The following MKLN1 variants were observed in gnomAD, a reference collection of about 807,000 sequenced individuals.
MKLN1 encodes the protein muskelin 1.
A neutral mutation model predicts 99.0 loss-of-function variants in MKLN1; 18 were observed. That is an observed-to-expected ratio of 0.18 (90% confidence interval 0.13 to 0.27). The LOEUF (loss-of-function observed/expected upper bound fraction) is 0.27, where lower values mean the gene tolerates loss of function less well. MKLN1 is among the 10% of genes least tolerant of loss of function. MKLN1 has a pLI of 1.00. For missense variants in MKLN1, 621 were observed against 875.9 expected (o/e 0.71, Z 3.67); for synonymous variants, 288 against 293.2 (o/e 0.98, Z 0.18).
At chr7:131,339,209 A>G (rs1799335844) in intron 1 of MKLN1, among the ~76,000 whole-genome samples, 1 of 152,204 alleles carries the variant, frequency 6.6e-6, no homozygotes, top group African/African-American at 2.4e-5. Context: ...TGGCGCCCCT[A>G]GGCCCCACAT....
At chr7:131,468,533 A>G (rs973232499) in intron 15 of MKLN1, among the ~76,000 whole-genome samples, 2 of 152,228 alleles carry the variant, frequency 1.3e-5, no homozygotes, top group Non-Finnish European at 2.9e-5. Context: ...GGAAAGAAGT[A>G]TATTGTGTGC....
intron 3 of MKLN1, among the ~76,000 whole-genome samples, chr7:131,217,761 A>C (rs1283401408): frequency 6.6e-6 from 1 of 152,228 alleles, no homozygotes; most frequent in African/African-American, 2.4e-5. Flanking sequence ...GTTTGAAGAA[A>C]TACTTGTACC....
intron 1 of MKLN1, among the ~76,000 whole-genome samples, chr7:131,334,729 A>T (rs1799200717): frequency 6.6e-6 from 1 of 152,146 alleles, no homozygotes; most frequent in African/African-American, 2.4e-5. Context: ...CATTTCAGCC[A>T]CTTGTGGCAA....
chr7:131,390,874 G>C (rs12540105), intron 4 of MKLN1, among the ~76,000 whole-genome samples: 1 of 151,900 alleles, frequency 6.6e-6, no homozygotes, highest in Non-Finnish European at 1.5e-5. Flanking sequence ...ACTTGATCTA[G>C]GGTTAGTTTA....
Position 131,263,273 on chromosome 7 carries a change from G to A in MKLN1, c.-179+60299G>A, listed in dbSNP as rs1240167098. ...TGTACTCCCAGCACTTTGGGAGGCC[G>A]AGACAGGATTACTTTAGCCCAGAAG... is the stretch of plus-strand genomic sequence containing the variant. On this transcript the variant is annotated intron_variant, in intron 3 of 7. Transcript: ENST00000416992. Among the ~76,000 whole-genome samples, 5 of 151,748 alleles carry A rather than the reference G, an allele frequency of 3.3e-5. No individual in the cohort carries two copies. The South Asian group carries it at 6.3e-4, about 19-fold the overall frequency.
At chr7:131,215,953 C>A (rs577947962) in intron 3 of MKLN1, among the ~76,000 whole-genome samples, 1 of 152,260 alleles carries the variant, frequency 6.6e-6, no homozygotes, top group South Asian at 2.1e-4. Flanking sequence ...TGGTTTACCA[C>A]CCGCTCCCCT....
chr7:131,427,815 A>G (rs1443137908), intron 8 of MKLN1, among the ~76,000 whole-genome samples: 8 of 151,842 alleles, frequency 5.3e-5, no homozygotes, highest in Admixed American at 3.9e-4. Flanking sequence ...CAGCCCCTCA[A>G]AGTGCTGGGA....
In MKLN1 at chr7:131,437,764, ATT is replaced by A; in HGVS notation, c.961-18_961-17del. 1 of 1,533,364 alleles carries A rather than the reference ATT, an allele frequency of 6.5e-7. No homozygotes were observed. Among genetic ancestry groups the A allele is most frequent in the Admixed American group, 1.8e-5 (1 of 56,128 alleles). 95.0% of individuals were successfully genotyped at this position (1,533,364 alleles called of 1,614,324 possible). ...TTGCTCTTTATTTGTTTATTTATTT[ATT>A]TTCTCTCTCTCTCTACAGAATGGTC... On this transcript the variant is annotated intron_variant, in intron 9 of 17. Coordinates refer to ENST00000352689, the MANE Select transcript of MKLN1 (RefSeq NM_013255.5).
chr7:131,152,266 G>A (rs1795898510), intron 2 of MKLN1, among the ~76,000 whole-genome samples: 1 of 152,106 alleles, frequency 6.6e-6, no homozygotes, highest in African/African-American at 2.4e-5. Flanking sequence ...AGACTGCAGT[G>A]AGCTACAATT....
At chr7:131,335,135 T>A (rs1189047411) in intron 1 of MKLN1, among the ~76,000 whole-genome samples, 5 of 152,148 alleles carry the variant, frequency 3.3e-5, no homozygotes, top group Admixed American at 2.6e-4. Context: ...TATGGGGGAC[T>A]TTTGAAGAAA....
At chr7:131,478,922 A>G in intron 17 of MKLN1, 1 of 541,482 alleles carries the variant, frequency 1.8e-6, no homozygotes, top group Non-Finnish European at 3.3e-6. Flanking sequence ...AGATAGCAAT[A>G]GAAACACAGT....
intron 3 of MKLN1, among the ~76,000 whole-genome samples, chr7:131,255,298 C>T (rs1370153972): frequency 6.6e-6 from 1 of 151,778 alleles, no homozygotes; most frequent in Non-Finnish European, 1.5e-5. Context: ...TCAAGTAACT[C>T]CAAATACAAT....
At chr7:131,411,718 C>G (rs1309977291) in intron 7 of MKLN1, among the ~76,000 whole-genome samples, 4 of 151,678 alleles carry the variant, frequency 2.6e-5, no homozygotes, top group Non-Finnish European at 4.4e-5. Context: ...ACCAGCCTGC[C>G]CAACATGGCA....
At chr7:131,457,230 C>T (rs1412817441) in intron 12 of MKLN1, among the ~76,000 whole-genome samples, 1 of 151,440 alleles carries the variant, frequency 6.6e-6, no homozygotes, top group African/African-American at 2.4e-5. Flanking sequence ...TCAGCTGAAA[C>T]TGTGCCATTG....
At chr7:131,389,001 C>G (rs1165641895) in intron 4 of MKLN1, 29 bp downstream of exon 4, 2 of 1,478,362 alleles carry the variant, frequency 1.4e-6, no homozygotes, top group Non-Finnish European at 1.9e-6. Flanking sequence ...GAAATAGAAA[C>G]AAATTCTTGA....
At chr7:131,473,284 C>T (rs1796877438) in intron 16 of MKLN1, among the ~76,000 whole-genome samples, 1 of 151,830 alleles carries the variant, frequency 6.6e-6, no homozygotes, top group African/African-American at 2.4e-5. Flanking sequence ...TGTTTTTGTT[C>T]TGTTTATATG....
At chr7:131,412,680 C>T (rs546995593) in intron 7 of MKLN1, among the ~76,000 whole-genome samples, 1 of 152,228 alleles carries the variant, frequency 6.6e-6, no homozygotes, top group South Asian at 2.1e-4. Context: ...GAGGTTTTGT[C>T]ACTTCTTCAT....
chr7:131,240,893 GGT>G (rs1797392182), intron 3 of MKLN1, among the ~76,000 whole-genome samples: 1 of 152,180 alleles, frequency 6.6e-6, no homozygotes, highest in African/African-American at 2.4e-5. Context: ...TTACAGACCT[GGT>G]GAATCCTGAA....
chr7:131,259,508 T>C (rs1403185084), intron 3 of MKLN1, among the ~76,000 whole-genome samples: 2 of 152,184 alleles, frequency 1.3e-5, no homozygotes, highest in Non-Finnish European at 2.9e-5. Context: ...CTTATATTAA[T>C]ATATCACCCC....
Sources: allele counts gnomAD v4.1 joint callset (sites outside exome capture counted in the v4.1 genomes callset), GRCh38; gene constraint gnomAD v4.1.1; transcripts MANE v1.5; gene names NCBI Gene and HGNC (gene_info 2026-07-23, HGNC 2026-07-21).